The following SGCB variants were observed in gnomAD, a reference collection of about 807,000 sequenced individuals.
SGCB encodes the protein beta-sarcoglycan.
Under a neutral mutation model 27.3 loss-of-function variants are expected in SGCB, and 25 were observed. That is an observed-to-expected ratio of 0.92 (90% CI 0.67 to 1.28). The LOEUF (loss-of-function observed/expected upper bound fraction) is 1.28. Ranked by LOEUF, SGCB falls within the 50% of genes most tolerant of loss-of-function variation. The pLI is 0.00. For synonymous variants in SGCB, 147 were observed against 133.5 expected, an observed-to-expected ratio of 1.10 and a Z score of -0.70; for missense variants, 436 against 402.1, an observed-to-expected ratio of 1.08 and a Z score of -0.72.
At chr4:52,028,674 T>C (rs1737171517) in intron 4 of SGCB, 56 bp downstream of exon 4, 3 of 1,317,394 alleles carry the variant, frequency 2.3e-6, no homozygotes, top group African/African-American at 1.4e-5. Flanking sequence ...CTTCCCACTT[T>C]ATAACTCTAG....
At chr4:52,037,550 AAC>A (rs1737427558) in intron 1 of SGCB, among the ~76,000 whole-genome samples, 1 of 152,198 alleles carries the variant, frequency 6.6e-6, no homozygotes, top group Non-Finnish European at 1.5e-5. Context: ...TGTATATATT[AAC>A]ACACACACAT....
chr4:52,037,356 G>GTTAA (rs1322990518), intron 1 of SGCB, among the ~76,000 whole-genome samples: 4 of 152,076 alleles, frequency 2.6e-5, no homozygotes, highest in African/African-American at 4.8e-5. Flanking sequence ...TCTCTAAAAA[G>GTTAA]TTAATTATCT....
chr4:52,035,021 G>C (rs1737349230), intron 1 of SGCB, among the ~76,000 whole-genome samples: 1 of 152,144 alleles, frequency 6.6e-6, no homozygotes, highest in East Asian at 1.9e-4. Flanking sequence ...CATTTTTTAA[G>C]AGTGTAAAGA....
chr4:52,028,530 G>T (rs1451150326), intron 4 of SGCB, among the ~76,000 whole-genome samples, 200 bp downstream of exon 4: 1 of 152,088 alleles, frequency 6.6e-6, no homozygotes, highest in African/African-American at 2.4e-5. Context: ...CAGCTACACG[G>T]GAGGCTGAGG....
At position 52,022,325 on chromosome 4, in the gene SGCB, T is replaced by C. The variant is rs1736972411; in HGVS notation, c.*1632A>G. On this transcript the variant is annotated 3_prime_UTR_variant, in exon 6 of 6. Transcript: ENST00000381431. ...TACAAATTGTTTTTTGTATTGGTTTTCTTATGTGCACAATTCAAAGTGACC... is the reference window on the plus strand; with the variant it reads ...TACAAATTGTTTTTTGTATTGGTTTCCTTATGTGCACAATTCAAAGTGACC... 6.6e-6 allele frequency: 1 copy of C among 152,224 alleles called. No individual in the cohort carries two copies. The highest frequency in any genetic ancestry group is 2.1e-4 in the South Asian group (1 of 4,834). 9.4% of individuals were successfully genotyped at this position (152,224 alleles called of 1,614,324 possible). A position where few individuals can be genotyped will look rare whatever the true frequency, so the allele number is the denominator to read the frequency against.
rs886059432 is a variant in SGCB, at chr4:52,022,830, T to C, written c.*1127A>G. 1.2e-4 allele frequency: 19 copies of C among 152,152 alleles called. No homozygotes were observed. The highest frequency in any genetic ancestry group is 8.3e-4 in the South Asian group (4 of 4,824). The allele number at this position is 152,152 out of a possible 1,614,324, so 9.4% of individuals were successfully genotyped here. ...GAAACTGAGGTAACTCAGAAGTAGG[T>C]AAATTTGACCTCTCCATCGTATAAT... On this transcript the variant is annotated 3_prime_UTR_variant, in exon 6 of 6. Coordinates refer to ENST00000381431, the MANE Select transcript of SGCB (RefSeq NM_000232.5).
At chr4:52,038,083 C>CCCCCCCCCCCCCCAA in intron 1 of SGCB, 144 bp downstream of exon 1, 4 of 177,316 alleles carry the variant, frequency 2.3e-5, no homozygotes, top group Non-Finnish European at 3.3e-5. Context: ...TCCTCCCGCC[C>CCCCCCCCCCCCCCAA]CGCCCCGCCC....
intron 5 of SGCB, among the ~76,000 whole-genome samples, chr4:52,027,459 A>G (rs185841086): frequency 1.3e-5 from 2 of 151,876 alleles, no homozygotes; most frequent in East Asian, 3.9e-4. Context: ...AATTTTATAA[A>G]TTTGCTAATT....
Position 52,034,331 on chromosome 4 carries a change from C to CAA in SGCB, c.34-693_34-692dup, listed in dbSNP as rs541129158. ...TGGGCGACAGAGCGAGACTCCGTCTCAAAAAAAAAAAAAAAAAAAAAAAAA... is the reference window on the plus strand; with the variant it reads ...TGGGCGACAGAGCGAGACTCCGTCTCAAAAAAAAAAAAAAAAAAAAAAAAAAA... On this transcript the variant is annotated intron_variant, in intron 1 of 5. Transcript: ENST00000381431. Among the ~76,000 whole-genome samples, 49 of 26,516 alleles carry CAA rather than the reference C, an allele frequency of 1.8e-3. 12 individuals carry two copies. Among genetic ancestry groups the CAA allele is most frequent in the East Asian group, 8.1e-3 (5 of 616 alleles). 17.4% of individuals were successfully genotyped at this position (26,516 alleles called of 152,430 possible). A position where few individuals can be genotyped will look rare whatever the true frequency, so the allele number is the denominator to read the frequency against.
chr4:52,031,837 C>G (rs1277418498), intron 2 of SGCB: 1 of 451,630 alleles, frequency 2.2e-6, no homozygotes, highest in Non-Finnish European at 4.5e-6. Context: ...ACAGGTGTCA[C>G]AAGAGGGAAA....
At chr4:52,035,675 G>A (rs1470894409) in intron 1 of SGCB, among the ~76,000 whole-genome samples, 3 of 152,182 alleles carry the variant, frequency 2.0e-5, no homozygotes, top group East Asian at 3.9e-4. Context: ...TGTAGTAATG[G>A]AGGATTGAGG....
At chr4:52,033,168 G>A (rs187042879) in intron 2 of SGCB, among the ~76,000 whole-genome samples, 53 of 152,248 alleles carry the variant, frequency 3.5e-4, no homozygotes, top group Non-Finnish European at 6.2e-4. Context: ...ATGCTCTACC[G>A]ATTGAGCTAG....
At chr4:52,030,936 A>G (rs1737229529) in intron 2 of SGCB, among the ~76,000 whole-genome samples, 1 of 152,194 alleles carries the variant, frequency 6.6e-6, no homozygotes, top group South Asian at 2.1e-4. Flanking sequence ...TCTAGATGGA[A>G]AATTATTTTC....
At chr4:52,037,903 T>C (rs1458120974) in intron 1 of SGCB, among the ~76,000 whole-genome samples, 1 of 152,122 alleles carries the variant, frequency 6.6e-6, no homozygotes, top group East Asian at 1.9e-4. Flanking sequence ...ACGGGGTACG[T>C]CCCTGGCACG....
chr4:52,031,842 G>A (rs1737254013), intron 2 of SGCB: 1 of 453,346 alleles, frequency 2.2e-6, no homozygotes, highest in South Asian at 1.6e-5. Context: ...TGTCACAAGA[G>A]GGAAATTACA....
chr4:52,023,707 C>T lies in SGCB; in HGVS notation c.*250G>A. 2 of 452,252 alleles carry T rather than the reference C, an allele frequency of 4.4e-6. No individual in the cohort carries two copies. Among genetic ancestry groups the T allele is most frequent in the Non-Finnish European group, 8.0e-6 (2 of 249,900 alleles). 28.0% of individuals were successfully genotyped at this position (452,252 alleles called of 1,614,324 possible). On this transcript the variant is annotated 3_prime_UTR_variant, in exon 6 of 6. Transcript: ENST00000381431. ...TTTAAAAACACGTCTTTAAACATGA[C>T]TTTTGATTTTATTTGCTTCTCATAA...
Position 52,023,731 on chromosome 4 carries a change from A to C in SGCB, c.*226T>G, listed in dbSNP as rs1040067273. On this transcript the variant is annotated 3_prime_UTR_variant, in exon 6 of 6. Coordinates refer to ENST00000381431, the MANE Select transcript of SGCB (RefSeq NM_000232.5). The stretch of plus-strand genomic sequence containing the variant: ...ACTTTTGATTTTATTTGCTTCTCAT[A>C]ATTATTTTAGAGAACAGTAAATATG... 3 of 501,154 alleles carry C rather than the reference A, an allele frequency of 6.0e-6. No homozygotes were observed. The highest frequency in any genetic ancestry group is 5.8e-5 in the African/African-American group (3 of 52,090). 31.0% of individuals were successfully genotyped at this position (501,154 alleles called of 1,614,324 possible). A position where few individuals can be genotyped will look rare whatever the true frequency, so the allele number is the denominator to read the frequency against.
intron 5 of SGCB, among the ~76,000 whole-genome samples, chr4:52,027,754 G>T (rs1737136430): frequency 6.6e-6 from 1 of 151,940 alleles, no homozygotes; most frequent in African/African-American, 2.4e-5. Flanking sequence ...ACCCTGCTAG[G>T]TTTTTATAAA....
At chr4:52,028,271 G>C (rs1737158171) in intron 4 of SGCB, among the ~76,000 whole-genome samples, 172 bp from the exon 5 acceptor site, 1 of 152,214 alleles carries the variant, frequency 6.6e-6, no homozygotes, top group African/African-American at 2.4e-5. Context: ...GATCACACAA[G>C]CTAGTTAATT....
Sources: gnomAD v4.1 joint callset for allele counts (sites outside exome capture counted in the v4.1 genomes callset) on GRCh38, gnomAD v4.1.1 for gene constraint, MANE v1.5 for transcripts, NCBI Gene and HGNC (gene_info 2026-07-23, HGNC 2026-07-21) for gene names.